The following GPR137B variants were observed in gnomAD, a reference collection of about 807,000 sequenced individuals.
The protein encoded by GPR137B is G protein-coupled receptor 137B.
A neutral mutation model predicts 42.5 loss-of-function variants in GPR137B; 42 were observed. That is an observed-to-expected ratio of 0.99 (90% CI 0.77 to 1.28). The LOEUF (loss-of-function observed/expected upper bound fraction) is 1.28, where lower values mean the gene tolerates loss of function less well. GPR137B is among the 50% of genes most tolerant of loss of function. GPR137B has a pLI of 0.00. For missense variants in GPR137B, 487 were observed against 493.9 expected (o/e 0.99, Z 0.13); for synonymous variants, 218 against 209.7 (o/e 1.04, Z -0.34).
chr1:236,187,365 G>T (rs1322617845), intron 5 of GPR137B, among the ~76,000 whole-genome samples: 1 of 152,142 alleles, frequency 6.6e-6, no homozygotes, highest in Non-Finnish European at 1.5e-5. Context: ...TTTGGCTTTT[G>T]TTGCCATTGC....
chr1:236,178,977 T>G (rs1662788735), intron 3 of GPR137B, among the ~76,000 whole-genome samples: 1 of 151,492 alleles, frequency 6.6e-6, no homozygotes, highest in African/African-American at 2.4e-5. Context: ...TTTTGTATTT[T>G]TAGTAGAGAC....
At position 236,168,227 on chromosome 1, in the gene GPR137B, G is replaced by A. The variant is rs56752915; in HGVS notation, c.415-479G>A. Among the ~76,000 whole-genome samples the A allele has an allele frequency of 8.8e-3, 1,344 of 152,174 alleles. 18 individuals carry two copies. The highest frequency in any genetic ancestry group is 0.03 in the African/African-American group (1,236 of 41,502). On this transcript the variant is annotated intron_variant, in intron 1 of 6. Transcript: ENST00000366592. ...AGATCACCTGAGGTCAGGAGTTCGAGACCAGCCTGGCCAACATGGTGAAAC... is the reference window on the plus strand; with the variant it reads ...AGATCACCTGAGGTCAGGAGTTCGAAACCAGCCTGGCCAACATGGTGAAAC...
At chr1:236,170,039 C>CAA (rs11346365) in intron 2 of GPR137B, among the ~76,000 whole-genome samples, 147 of 36,330 alleles carry the variant, frequency 4.0e-3, no homozygotes, top group Non-Finnish European at 7.8e-3. Context: ...GAATCCATCT[C>CAA]AAAAAAAAAA....
chr1:236,164,874 C>T (rs1332479539), intron 1 of GPR137B, among the ~76,000 whole-genome samples: 1 of 146,878 alleles, frequency 6.8e-6, no homozygotes, highest in Non-Finnish European at 1.5e-5. Context: ...TGAATAGTGC[C>T]CAGATGAATT....
intron 1 of GPR137B, among the ~76,000 whole-genome samples, chr1:236,167,960 A>G (rs535057624): frequency 6.6e-6 from 1 of 152,368 alleles, no homozygotes; most frequent in African/African-American, 2.4e-5. Context: ...GAGAAATGCC[A>G]GTCTGCAATA....
chr1:236,200,014 C>T (rs901926602), intron 5 of GPR137B, among the ~76,000 whole-genome samples: 2 of 151,744 alleles, frequency 1.3e-5, no homozygotes, highest in Non-Finnish European at 2.9e-5. Context: ...TCCTCTCAGC[C>T]CCACTTTTGC....
rs541193141 is a variant in GPR137B at position 236,143,924 on chromosome 1, C to A, written c.414+888C>A. 2.2e-4 allele frequency among the ~76,000 whole-genome samples: 33 copies of A among 152,304 alleles called. No homozygotes were observed. The South Asian group carries it at 3.1e-3, about 14-fold the overall frequency. ...GTGCCGCCGTCATCATCGTCATCAT[C>A]ATCTCTGATTCCCATTAGCTTTCCA... On this transcript the variant is annotated intron_variant, in intron 1 of 6. Transcript: ENST00000366592.
Position 236,142,592 on chromosome 1 carries a change from C to T in GPR137B, c.-31C>T. 1.6e-6 allele frequency: 2 copies of T among 1,271,562 alleles called. No homozygotes were observed. The highest frequency in any genetic ancestry group is 2.0e-6 in the Non-Finnish European group (2 of 1,007,068). 78.8% of individuals were successfully genotyped at this position (1,271,562 alleles called of 1,614,324 possible). A position where few individuals can be genotyped will look rare whatever the true frequency, so the allele number is the denominator to read the frequency against. ...AGGCTGAGCGCGATGCGCGGAGACCCCCGCGGGGGCGGCGGCGGCCGTGAG... is the reference window on the plus strand; with the variant it reads ...AGGCTGAGCGCGATGCGCGGAGACCTCCGCGGGGGCGGCGGCGGCCGTGAG... On this transcript the variant is annotated 5_prime_UTR_variant, in exon 1 of 7. Transcript: ENST00000366592.
At chr1:236,165,635 T>C (rs1303620123) in intron 1 of GPR137B, among the ~76,000 whole-genome samples, 2 of 152,222 alleles carry the variant, frequency 1.3e-5, no homozygotes, top group Non-Finnish European at 2.9e-5. Context: ...CTTGGTTCCA[T>C]AGCGCAGTGC....
chr1:236,168,973 T>A (rs1247853112), intron 2 of GPR137B, among the ~76,000 whole-genome samples: 1 of 152,214 alleles, frequency 6.6e-6, no homozygotes, highest in East Asian at 1.9e-4. Flanking sequence ...ACTTGCATCA[T>A]ACTTACCCAG....
chr1:236,197,870 A>C (rs1386273012), intron 5 of GPR137B, among the ~76,000 whole-genome samples: 6 of 151,964 alleles, frequency 3.9e-5, no homozygotes, highest in African/African-American at 1.2e-4. Flanking sequence ...ACAGGCATCT[A>C]CCGCCATGCG....
Position 236,142,825 on chromosome 1 carries a change from T to A in GPR137B, c.203T>A (p.Leu68Gln), listed in dbSNP as rs1478231266. ...ATCTACGTGCAGCTCTGGCTGGTGCTGCGTTACCGCCACAAGCGGCTCAGC... is the reference window on the plus strand; with the variant it reads ...ATCTACGTGCAGCTCTGGCTGGTGCAGCGTTACCGCCACAAGCGGCTCAGC... The part of the protein sequence containing the change: ...VFIYVQLWLV[L>Q]RYRHKRLSYQ... The change falls in exon 1 of 7, where the codon CTG (leucine) becomes CAG (glutamine). Residue 68 changes from leucine to glutamine, a missense_variant. Coordinates refer to ENST00000366592, the MANE Select transcript of GPR137B (RefSeq NM_003272.4). 6 of 1,613,932 alleles carry A rather than the reference T, an allele frequency of 3.7e-6. No homozygotes were observed. The highest frequency in any genetic ancestry group is 4.2e-6 in the Non-Finnish European group (5 of 1,179,898).
intron 1 of GPR137B, among the ~76,000 whole-genome samples, chr1:236,148,252 C>T (rs1478576936): frequency 6.6e-6 from 1 of 152,152 alleles, no homozygotes; most frequent in African/African-American, 2.4e-5. Context: ...GAAGCAAAGG[C>T]GGTAGCTTCT....
At position 236,170,976 on chromosome 1, in the gene GPR137B, A is replaced by G. The variant is rs537630458; in HGVS notation, c.464+2221A>G. Among the ~76,000 whole-genome samples, 95 of 136,230 alleles carry G rather than the reference A, an allele frequency of 7.0e-4. 1 individual carries two copies. In the South Asian group the frequency reaches 0.011, roughly 16 times the overall value. 89.4% of individuals were successfully genotyped at this position (136,230 alleles called of 152,430 possible). The stretch of plus-strand genomic sequence containing the variant: ...GGGCAACACAGCGACTCTGTCTCAA[A>G]AAAAAAAAAAAAAGGAAAAAGATAT... On this transcript the variant is annotated intron_variant, in intron 2 of 6. Transcript: ENST00000366592.
intron 2 of GPR137B, among the ~76,000 whole-genome samples, chr1:236,178,187 A>G (rs1349805067): frequency 6.6e-6 from 1 of 152,166 alleles, no homozygotes; most frequent in Non-Finnish European, 1.5e-5. Flanking sequence ...AGTCCTCACA[A>G]CATCCCACAG....
At chr1:236,154,141 T>C (rs1214233762) in intron 1 of GPR137B, among the ~76,000 whole-genome samples, 1 of 152,196 alleles carries the variant, frequency 6.6e-6, no homozygotes. Context: ...TGGCTAGTCT[T>C]GGGTTTTGTG....
At chr1:236,146,931 C>A (rs1486956284) in intron 1 of GPR137B, among the ~76,000 whole-genome samples, 2 of 152,204 alleles carry the variant, frequency 1.3e-5, no homozygotes, top group African/African-American at 4.8e-5. Flanking sequence ...GCCTCGGCCT[C>A]CTTAGTAGCT....
At chr1:236,164,499 A>G (rs10924453) in intron 1 of GPR137B, among the ~76,000 whole-genome samples, 21,329 of 152,212 alleles carry the variant, frequency 0.14, 4,089 homozygotes, top group African/African-American at 0.43. Context: ...GACTGGCAGA[A>G]ATGGGCAGCC....
chr1:236,151,616 GTTTCACA>G (rs1661868336), intron 1 of GPR137B, among the ~76,000 whole-genome samples: 1 of 151,858 alleles, frequency 6.6e-6, no homozygotes, highest in Admixed American at 6.6e-5. Context: ...TAGAGACGGG[GTTTCACA>G]ATGTTGGCCA....
Sources: allele counts gnomAD v4.1 joint callset (sites outside exome capture counted in the v4.1 genomes callset), GRCh38; gene constraint gnomAD v4.1.1; transcripts MANE v1.5; gene names NCBI Gene and HGNC (gene_info 2026-07-23, HGNC 2026-07-21).